PRICKLE2: variants seen among roughly 807,000 people sequenced by gnomAD.
PRICKLE2 encodes prickle planar cell polarity protein 2.
In PRICKLE2, 21 loss-of-function variants were observed where a neutral mutation model predicts 81.4. The ratio of observed to expected loss-of-function variants is 0.26; its 90% CI spans 0.18 to 0.37. The LOEUF (loss-of-function observed/expected upper bound fraction) is 0.37. Among genes scored for constraint, PRICKLE2 ranks in the 10% least tolerant of loss-of-function variants. The probability of loss-of-function intolerance (pLI) is 1.00; values close to 1 mark genes in which losing one functional copy is unlikely to be tolerated. For missense variants in PRICKLE2, 940 were observed against 1,109.0 expected (o/e 0.85, Z 2.16); for synonymous variants, 456 against 421.5 (o/e 1.08, Z -1.00).
intron 1 of PRICKLE2, among the ~76,000 whole-genome samples, chr3:64,219,247 G>A (rs1174971788): frequency 6.6e-6 from 1 of 152,176 alleles, no homozygotes; most frequent in African/African-American, 2.4e-5. Context: ...CAAGGTCATG[G>A]CTGGAAGACA....
chr3:64,264,073 C>T (rs918782441), intron 2 of PRICKLE2, among the ~76,000 whole-genome samples: 5 of 152,058 alleles, frequency 3.3e-5, no homozygotes, highest in African/African-American at 9.6e-5. Flanking sequence ...CTCCACAACC[C>T]GCCAACAATC....
intron 7 of PRICKLE2, among the ~76,000 whole-genome samples, chr3:64,121,699 A>G (rs2077030499): frequency 6.6e-6 from 1 of 151,836 alleles, no homozygotes; most frequent in African/African-American, 2.4e-5. Flanking sequence ...GCCATGGGGG[A>G]GGGTGTTTCT....
chr3:64,114,800 T>G (rs2076909652), intron 7 of PRICKLE2, among the ~76,000 whole-genome samples: 2 of 152,158 alleles, frequency 1.3e-5, no homozygotes, highest in Admixed American at 6.5e-5. Context: ...GTAAACATAC[T>G]TCAAGATATC....
intron 2 of PRICKLE2, among the ~76,000 whole-genome samples, chr3:64,175,664 A>C (rs902577102): frequency 4.6e-5 from 7 of 152,290 alleles, no homozygotes; most frequent in African/African-American, 1.7e-4. Flanking sequence ...GACTGGTATA[A>C]TTGATTATAC....
At chr3:64,181,935 G>A (rs1427668996) in intron 2 of PRICKLE2, among the ~76,000 whole-genome samples, 1 of 152,160 alleles carries the variant, frequency 6.6e-6, no homozygotes, top group Non-Finnish European at 1.5e-5. Flanking sequence ...TAAAACGTGT[G>A]TCACAGAAGA....
At chr3:64,256,127 C>A (rs2107184789) in intron 2 of PRICKLE2, among the ~76,000 whole-genome samples, 1 of 152,296 alleles carries the variant, frequency 6.6e-6, no homozygotes. Context: ...TCTGTGCAGT[C>A]CAACTTGATC....
intron 2 of PRICKLE2, among the ~76,000 whole-genome samples, chr3:64,246,256 A>G (rs748851063): frequency 2.0e-5 from 3 of 152,126 alleles, no homozygotes; most frequent in Non-Finnish European, 4.4e-5. Flanking sequence ...AAACAAAAAC[A>G]AAAACAAAAA....
intron 2 of PRICKLE2, among the ~76,000 whole-genome samples, chr3:64,246,013 G>A (rs2079345114): frequency 6.6e-6 from 1 of 152,174 alleles, no homozygotes; most frequent in Admixed American, 6.5e-5. Context: ...AGGAGGCCAA[G>A]GCAGGTGGAT....
At position 64,097,581 on chromosome 3, in the gene PRICKLE2, C is replaced by T. The variant is rs2076588706; in HGVS notation, c.*1470G>A. ...AAACAGCACAACCGTTAAATGTCTT[C>T]ATTAAGCAAACTCACTTTTGAGCCC... On this transcript the variant is annotated 3_prime_UTR_variant, in exon 8 of 8. Coordinates refer to ENST00000638394, the MANE Select transcript of PRICKLE2 (RefSeq NM_198859.4). The T allele has an allele frequency of 6.5e-6, 1 of 152,726 alleles. No individual in the cohort carries two copies. The highest frequency in any genetic ancestry group is 2.1e-4 in the South Asian group (1 of 4,820). 9.5% of individuals were successfully genotyped at this position (152,726 alleles called of 1,614,324 possible). A position where few individuals can be genotyped will look rare whatever the true frequency, so the allele number is the denominator to read the frequency against.
At chr3:64,137,554 G>T (rs1157223977) in intron 7 of PRICKLE2, among the ~76,000 whole-genome samples, 1 of 152,136 alleles carries the variant, frequency 6.6e-6, no homozygotes, top group African/African-American at 2.4e-5. Flanking sequence ...CAAAAACCAG[G>T]ACACTGGAAA....
chr3:64,104,015 C>T (rs2076712496), intron 7 of PRICKLE2, among the ~76,000 whole-genome samples: 1 of 152,116 alleles, frequency 6.6e-6, no homozygotes, highest in Non-Finnish European at 1.5e-5. Flanking sequence ...AAAAATAAAA[C>T]AATGTTTGTT....
In PRICKLE2 at chr3:64,099,998, C is replaced by A; in HGVS notation, c.1661-73G>T. 1 of 1,509,900 alleles carries A rather than the reference C, an allele frequency of 6.6e-7. No homozygotes were observed. Among genetic ancestry groups the A allele is most frequent in the South Asian group, 1.1e-5 (1 of 88,232 alleles). The allele number at this position is 1,509,900 out of a possible 1,614,324, so 93.5% of individuals were successfully genotyped here. ...AATGGGTATCACTGTCACTGCTGGT[C>A]ATCTATCTAGGGTCATTATATACCG... On this transcript the variant is annotated intron_variant, in intron 7 of 7. Transcript: ENST00000638394. This position sits in a 1 kb window ranked among gnomAD's most constrained non-coding sequence, Gnocchi z 4.3.
At chr3:64,158,467 A>G (rs1400879806) in intron 4 of PRICKLE2, among the ~76,000 whole-genome samples, 1 of 152,230 alleles carries the variant, frequency 6.6e-6, no homozygotes, top group Non-Finnish European at 1.5e-5. Flanking sequence ...CATCCATTCT[A>G]TAGATGACAA....
At chr3:64,150,220 C>T (rs2077523086) in intron 6 of PRICKLE2, among the ~76,000 whole-genome samples, 1 of 152,060 alleles carries the variant, frequency 6.6e-6, no homozygotes. Flanking sequence ...CTCCATCCCA[C>T]AGCAGCTGGT....
At position 64,099,538 on chromosome 3, in the gene PRICKLE2, C is replaced by A. The variant is rs1285791036; in HGVS notation, c.2048G>T (p.Arg683Leu). ...TCGGGAACGCCTGGACCTGTGAGGT[C>A]GGAAACGGCGGTTGTCGTCGCGTGA... ...ATSRDDNRRF[R>L]PHRSRRSRRS... The change falls in exon 8 of 8, where the codon CGA (arginine) becomes CTA (leucine). Residue 683 changes from arginine to leucine, a missense_variant. Transcript: ENST00000638394. The surrounding 1 kb of genome is among the most constrained non-coding windows in gnomAD (Gnocchi z 4.3). 4 of 1,606,808 alleles carry A rather than the reference C, an allele frequency of 2.5e-6. No homozygotes were observed. The highest frequency in any genetic ancestry group is 1.3e-5 in the African/African-American group (1 of 74,818).
At chr3:64,144,948 T>C (rs955250299) in intron 7 of PRICKLE2, among the ~76,000 whole-genome samples, 4 of 152,200 alleles carry the variant, frequency 2.6e-5, no homozygotes, top group Admixed American at 6.5e-5. Flanking sequence ...CTAATCTCAC[T>C]GCTGATGGGT....
At chr3:64,106,665 C>G (rs1386729351) in intron 7 of PRICKLE2, among the ~76,000 whole-genome samples, 1 of 152,194 alleles carries the variant, frequency 6.6e-6, no homozygotes, top group Non-Finnish European at 1.5e-5. Flanking sequence ...CAAAATAATG[C>G]AAATCAATAG....
At chr3:64,209,612 TACCA>T (rs1375491402) in intron 1 of PRICKLE2, among the ~76,000 whole-genome samples, 11 of 152,120 alleles carry the variant, frequency 7.2e-5, no homozygotes, top group Non-Finnish European at 1.6e-4. Context: ...CCAACCAACC[TACCA>T]ACCAACCAAC....
upstream of PRICKLE2, among the ~76,000 whole-genome samples, chr3:64,230,263 T>G (rs2079084672): frequency 6.6e-6 from 1 of 152,198 alleles, no homozygotes; most frequent in East Asian, 1.9e-4. Flanking sequence ...CATTTTAATT[T>G]GTGCTATGTA....
Sources: gnomAD v4.1 joint callset for allele counts (sites outside exome capture counted in the v4.1 genomes callset) on GRCh38, gnomAD v4.1.1 for gene constraint, Gnocchi (gnomAD v3.1) non-coding constraint, MANE v1.5 for transcripts, NCBI Gene and HGNC (gene_info 2026-07-23, HGNC 2026-07-21) for gene names.